ABCA6: variants seen among roughly 807,000 people sequenced by gnomAD.
ABCA6 encodes the protein ATP-binding cassette sub-family A member 6.
A neutral mutation model predicts 191.2 loss-of-function variants in ABCA6; 164 were observed. The observed-to-expected ratio is 0.86, with a 90% CI of 0.76 to 0.98. ABCA6 has a LOEUF of 0.98. ABCA6 is among the 50% of genes least tolerant of loss of function. ABCA6 has a pLI of 0.00. For synonymous variants in ABCA6, 636 were observed against 647.7 expected (o/e 0.98, Z 0.27); for missense variants, 1,958 against 1,894.1 (o/e 1.03, Z -0.63).
chr17:69,129,902 C>A, intron 6 of ABCA6, 151 bp from the exon 7 acceptor site: 1 of 578,068 alleles, frequency 1.7e-6, no homozygotes, highest in Non-Finnish European at 2.9e-6. Flanking sequence ...AAGCTCATTG[C>A]ATATCCTTTT....
In ABCA6 at chr17:69,089,867, T is replaced by C. The variant is rs143996065; in HGVS notation, c.3529-325A>G. Among the ~76,000 whole-genome samples, 768 of 152,334 alleles carry C rather than the reference T, an allele frequency of 5.0e-3. 5 individuals carry two copies. The highest frequency in any genetic ancestry group is 0.019 in the South Asian group (94 of 4,822). ...CAGTAATATGCTATTACTGAAAGCA[T>C]AGCAGAGAGAGGTGCTGGCACTGGT... On this transcript the variant is annotated intron_variant, in intron 26 of 38. Transcript: ENST00000284425.
intron 23 of ABCA6, 31 bp downstream of exon 23, chr17:69,097,889 G>T: frequency 6.7e-7 from 1 of 1,502,952 alleles, no homozygotes; most frequent in Non-Finnish European, 9.0e-7. Context: ...TGAAATTCCT[G>T]AAATTTCTTC....
chr17:69,107,740 T>C lies in ABCA6; in HGVS notation c.2345A>G (p.Asn782Ser), dbSNP rs771946460. 6.2e-6 allele frequency: 10 copies of C among 1,612,958 alleles called. No homozygotes were observed. The highest frequency in any genetic ancestry group is 8.5e-6 in the Non-Finnish European group (10 of 1,179,328). Residue 782 changes from asparagine to serine, a missense_variant, in exon 18 of 39, where the codon AAT becomes AGT. Coordinates refer to ENST00000284425, the MANE Select transcript of ABCA6 (RefSeq NM_080284.3). ...TCCTTCCAGTTTCATAAAGACTTCA[T>C]TTAGAGTTGACATGGAAATGTCATA... ...TGYDISMSTL[N>S]EVFMKLEGQS...
intron 2 of ABCA6, among the ~76,000 whole-genome samples, chr17:69,139,189 C>G (rs1168243349): frequency 3.3e-5 from 5 of 152,094 alleles, no homozygotes; most frequent in Admixed American, 6.5e-5. Context: ...ATTTTCCCAA[C>G]CTACTCATCT....
In ABCA6 at chr17:69,083,198, G is replaced by A. The variant is rs749934900; in HGVS notation, c.4475+14C>T. ...ATTTTGAGCATCAAATGCAGGCTTCGGAGAGACACCCACCTAAGCCTTCCA... is the reference window on the plus strand; with the variant it reads ...ATTTTGAGCATCAAATGCAGGCTTCAGAGAGACACCCACCTAAGCCTTCCA... On this transcript the variant is annotated intron_variant, in intron 35 of 38. Transcript: ENST00000284425. The A allele has an allele frequency of 2.7e-5, 43 of 1,581,326 alleles. No individual in the cohort carries two copies. Among genetic ancestry groups the A allele is most frequent in the Admixed American group, 9.6e-5 (5 of 51,964 alleles).
At chr17:69,102,744 T>C in intron 21 of ABCA6, 91 bp downstream of exon 21, 1 of 1,254,986 alleles carries the variant, frequency 8.0e-7, no homozygotes, top group Non-Finnish European at 1.1e-6. Flanking sequence ...TGAGTCAAGT[T>C]TCTGTATACT....
chr17:69,140,091 G>C (rs527818433), intron 2 of ABCA6, among the ~76,000 whole-genome samples: 28 of 151,752 alleles, frequency 1.8e-4, no homozygotes, highest in African/African-American at 6.8e-4. Flanking sequence ...AAAACTTAAA[G>C]TATAATAATA....
intron 11 of ABCA6, among the ~76,000 whole-genome samples, chr17:69,117,579 T>C (rs2073560012): frequency 2.0e-5 from 3 of 152,018 alleles, no homozygotes; most frequent in Admixed American, 2.0e-4. Context: ...AAAACCTTTA[T>C]CAGATTTCAG....
chr17:69,131,984 G>T (rs1396616982), intron 6 of ABCA6, among the ~76,000 whole-genome samples: 1 of 152,076 alleles, frequency 6.6e-6, no homozygotes, highest in Non-Finnish European at 1.5e-5. Context: ...CCATTCTTTT[G>T]TATTTCCCAA....
chr17:69,117,286 T>C (rs1465190820), intron 11 of ABCA6, among the ~76,000 whole-genome samples: 2 of 152,228 alleles, frequency 1.3e-5, no homozygotes, highest in East Asian at 3.9e-4. Flanking sequence ...TTCTGTCTTT[T>C]ATAAAAATCA....
Position 69,106,231 on chromosome 17 carries a change from C to A in ABCA6, c.2390-20G>T, listed in dbSNP as rs773363064. ...CGAAATCTATAAACACACACATACA[C>A]AAACACACATATTATAATATTAATG... On this transcript the variant is annotated intron_variant, in intron 18 of 38. Transcript: ENST00000284425. 4 of 1,594,548 alleles carry A rather than the reference C, an allele frequency of 2.5e-6. No individual in the cohort carries two copies. The Admixed American group carries it at 5.3e-5, about 21-fold the overall frequency.
intron 36 of ABCA6, 43 bp from the exon 37 acceptor site, chr17:69,081,188 G>A (rs1366700487): frequency 3.8e-6 from 4 of 1,053,676 alleles, no homozygotes; most frequent in South Asian, 3.0e-5. Flanking sequence ...AGTTTCAAGG[G>A]GAGAAAATGA....
chr17:69,110,964 G>T (rs1395992135), intron 16 of ABCA6, 24 bp from the exon 17 acceptor site: 1 of 1,566,992 alleles, frequency 6.4e-7, no homozygotes, highest in African/African-American at 1.4e-5. Flanking sequence ...GAAAAGATAA[G>T]TCATTTGCAT....
intron 30 of ABCA6, 60 bp from the exon 31 acceptor site, chr17:69,085,776 T>C (rs2072772322): frequency 8.3e-7 from 1 of 1,201,412 alleles, no homozygotes; most frequent in Admixed American, 2.0e-5. Context: ...CATAAACCTT[T>C]TGCTCCAGTG....
chr17:69,082,991 G>T lies in ABCA6; in HGVS notation c.4498C>A (p.Leu1500Met), dbSNP rs1353032841. ...TAATCCTTGCCAAGTTTGTTTTTCA[G>T]GTGTTGGATGGAGCCAATGCATCTA... The part of the protein sequence containing the change: ...RLRCIGSIQH[L>M]KNKLGKDYIL... The change falls in exon 36 of 39, where the codon CTG (leucine) becomes ATG (methionine). Residue 1500 changes from leucine to methionine, a missense_variant. By Grantham distance (15) the Leu-to-Met change is conservative (BLOSUM62 2). Transcript: ENST00000284425. The T allele has an allele frequency of 6.2e-7, 1 of 1,614,152 alleles. No individual in the cohort carries two copies. Among genetic ancestry groups the T allele is most frequent in the Non-Finnish European group, 8.5e-7 (1 of 1,180,022 alleles).
At chr17:69,096,122 G>C (rs1013268564) in intron 25 of ABCA6, 118 bp downstream of exon 25, 3 of 408,922 alleles carry the variant, frequency 7.3e-6, no homozygotes, top group Non-Finnish European at 1.3e-5. Flanking sequence ...CTTTTCTATG[G>C]TGTAATTTTG....
In ABCA6 at chr17:69,136,077, G is replaced by A; in HGVS notation, c.460+15C>T. The A allele has an allele frequency of 2.5e-6, 4 of 1,604,034 alleles. No individual in the cohort carries two copies. The highest frequency in any genetic ancestry group is 3.4e-6 in the Non-Finnish European group (4 of 1,173,128). ...CATGAAAAATTCCATAATGATATTT[G>A]ATATGGAAAGTCACCTGAGAAATCT... On this transcript the variant is annotated intron_variant, in intron 4 of 38. Coordinates refer to ENST00000284425, the MANE Select transcript of ABCA6 (RefSeq NM_080284.3).
chr17:69,100,255 C>T (rs1443175317), intron 22 of ABCA6, among the ~76,000 whole-genome samples: 3 of 152,196 alleles, frequency 2.0e-5, no homozygotes, highest in Non-Finnish European at 2.9e-5. Context: ...TCCAAACTGT[C>T]TGAAGCCAGA....
At chr17:69,095,543 A>G (rs2073026231) in intron 25 of ABCA6, 1 of 151,370 alleles carries the variant, frequency 6.6e-6, no homozygotes, top group East Asian at 1.9e-4. Context: ...TTTTGACATT[A>G]CTTTAAATAG....
Sources: gnomAD v4.1 joint callset for allele counts (sites outside exome capture counted in the v4.1 genomes callset) on GRCh38, gnomAD v4.1.1 for gene constraint, MANE v1.5 for transcripts, NCBI Gene and HGNC (gene_info 2026-07-23, HGNC 2026-07-21) for gene names.